WWC1: variants seen among roughly 807,000 people sequenced by gnomAD.
WWC1 encodes WW and C2 domain containing 1.
A neutral mutation model predicts 138.4 loss-of-function variants in WWC1; 55 were observed. The ratio of observed to expected loss-of-function variants is 0.40; its 90% CI spans 0.32 to 0.50. The LOEUF is 0.50. WWC1 is among the 20% of genes least tolerant of loss of function. The pLI, the probability that WWC1 is intolerant of heterozygous loss-of-function variation, is 0.72. For synonymous variants in WWC1, 524 were observed against 564.9 expected (o/e 0.93, Z 1.03); for missense variants, 1,226 against 1,420.4 (o/e 0.86, Z 2.20).
At chr5:168,395,586 C>T (rs1417850081) in intron 3 of WWC1, among the ~76,000 whole-genome samples, 5 of 152,198 alleles carry the variant, frequency 3.3e-5, no homozygotes, top group Non-Finnish European at 7.3e-5. Flanking sequence ...CCAACCAGGT[C>T]TATCCCTGAA....
intron 15 of WWC1, among the ~76,000 whole-genome samples, chr5:168,440,212 A>G (rs1305739402): frequency 1.3e-5 from 2 of 152,244 alleles, no homozygotes; most frequent in African/African-American, 4.8e-5. Flanking sequence ...GATGTTCAAC[A>G]TTACTAGTTA....
intron 1 of WWC1, among the ~76,000 whole-genome samples, chr5:168,305,829 G>T (rs751042080): frequency 2.6e-5 from 4 of 152,112 alleles, no homozygotes; most frequent in Non-Finnish European, 5.9e-5. Flanking sequence ...TGGTTTACTT[G>T]GTCTGTGGTA....
rs542534803 is a variant in WWC1, at chr5:168,438,968, C to T, written c.2281-2714C>T. Among the ~76,000 whole-genome samples, 28 of 152,164 alleles carry T rather than the reference C, an allele frequency of 1.8e-4. No homozygotes were observed. In the South Asian group the frequency reaches 5.8e-3, roughly 32 times the overall value. ...CTGAAGAGAAATCATGCTCTTTCCC[C>T]ACCCCAGCCTCACCATCTATCCTAT... On this transcript the variant is annotated intron_variant, in intron 15 of 22. Coordinates refer to ENST00000265293, the MANE Select transcript of WWC1 (RefSeq NM_015238.3).
chr5:168,406,383 T>A, intron 6 of WWC1, 56 bp downstream of exon 6: 2 of 1,604,476 alleles, frequency 1.2e-6, no homozygotes, highest in Non-Finnish European at 1.7e-6. Flanking sequence ...AGTATTCCTG[T>A]ATGCCAGTCG....
At position 168,454,071 on chromosome 5, in the gene WWC1, C is replaced by T. The variant is rs763033574; in HGVS notation, c.2629C>T (p.Pro877Ser). The T allele has an allele frequency of 1.9e-6, 3 of 1,612,956 alleles. No homozygotes were observed. The South Asian group carries it at 3.3e-5, about 18-fold the overall frequency. ...GGATGTTTTCACCGAGAAAGCCTCACCTGATATGGATGGGTACCCAGCATT... is the reference window on the plus strand; with the variant it reads ...GGATGTTTTCACCGAGAAAGCCTCATCTGATATGGATGGGTACCCAGCATT... ...EEDVFTEKAS[P>S]DMDGYPALKV... is the part of the protein sequence containing the mutation. Residue 877 changes from proline (P) to serine (S), a missense_variant, in exon 18 of 23, where the codon CCT becomes TCT. Physicochemically the swap from Pro to Ser is moderately conservative, Grantham distance 74 (BLOSUM62 -1). Coordinates refer to ENST00000265293, the MANE Select transcript of WWC1 (RefSeq NM_015238.3).
At chr5:168,336,291 C>G (rs1729316495) in intron 1 of WWC1, among the ~76,000 whole-genome samples, 1 of 152,156 alleles carries the variant, frequency 6.6e-6, no homozygotes, top group Non-Finnish European at 1.5e-5. Context: ...CAATACCCGG[C>G]CAGCCACGGT....
At chr5:168,318,969 A>G (rs550519297) in intron 1 of WWC1, among the ~76,000 whole-genome samples, 1 of 152,334 alleles carries the variant, frequency 6.6e-6, no homozygotes, top group Admixed American at 6.5e-5. Flanking sequence ...TTGTACGTAC[A>G]TATGTGAGAT....
intron 6 of WWC1, 60 bp downstream of exon 6, chr5:168,406,387 C>A: frequency 6.2e-7 from 1 of 1,600,596 alleles, no homozygotes; most frequent in Non-Finnish European, 8.5e-7. Context: ...TTCCTGTATG[C>A]CAGTCGTATG....
At chr5:168,400,156 C>A (rs943039180) in intron 5 of WWC1, among the ~76,000 whole-genome samples, 15 of 148,052 alleles carry the variant, frequency 1.0e-4, no homozygotes, top group Non-Finnish European at 1.8e-4. Context: ...AAATACAGCT[C>A]CGTTGTGTCT....
At chr5:168,418,275 C>T (rs1402456589) in intron 9 of WWC1, among the ~76,000 whole-genome samples, 1 of 152,206 alleles carries the variant, frequency 6.6e-6, no homozygotes, top group Non-Finnish European at 1.5e-5. Flanking sequence ...CCTCCCCCTC[C>T]TTCCCGAGGG....
chr5:168,441,833 C>T lies in WWC1; in HGVS notation c.2432C>T (p.Thr811Met), dbSNP rs570644950. ...VMAPASGPAS[T>M]DAVSALLEQT... ...GCCCCTGCCTCAGGGCCTGCCAGCA[C>T]GGTGAGCTGGGACCAGGTGTGCCAC... The change falls in exon 16 of 23, where the codon ACG (threonine) becomes ATG (methionine). Residue 811 changes from threonine (T) to methionine (M), a missense_variant and splice_region_variant. Physicochemically the swap from Thr to Met is moderately conservative, Grantham distance 81. Coordinates refer to ENST00000265293, the MANE Select transcript of WWC1 (RefSeq NM_015238.3). 44 of 1,613,206 alleles carry T rather than the reference C, an allele frequency of 2.7e-5. No homozygotes were observed. The highest frequency in any genetic ancestry group is 1.4e-4 in the South Asian group (13 of 90,906).
At chr5:168,305,975 C>A (rs1427114040) in intron 1 of WWC1, among the ~76,000 whole-genome samples, 1 of 152,078 alleles carries the variant, frequency 6.6e-6, no homozygotes, top group Non-Finnish European at 1.5e-5. Context: ...AATGAAAGTA[C>A]CTTGTAAAGG....
At chr5:168,392,550 G>A (rs905670783) in intron 3 of WWC1, among the ~76,000 whole-genome samples, 9 of 152,118 alleles carry the variant, frequency 5.9e-5, no homozygotes, top group South Asian at 2.1e-4. Flanking sequence ...AAAATTATCC[G>A]AGTGTGGTGG....
At chr5:168,427,968 A>G (rs2152857288) in intron 11 of WWC1, 65 bp from the exon 12 acceptor site, 1 of 1,428,778 alleles carries the variant, frequency 7.0e-7, no homozygotes, top group East Asian at 2.3e-5. Flanking sequence ...AAAACAAAAC[A>G]AAATTGGGAG....
intron 8 of WWC1, among the ~76,000 whole-genome samples, chr5:168,411,215 C>T (rs964590037): frequency 1.3e-5 from 2 of 152,160 alleles, no homozygotes; most frequent in Non-Finnish European, 2.9e-5. Flanking sequence ...ATGTGAGCTA[C>T]CGCACCCGGC....
Position 168,399,501 on chromosome 5 carries a change from A to G in WWC1, c.524A>G (p.Lys175Arg). 6.2e-7 allele frequency: 1 copy of G among 1,614,138 alleles called. No individual in the cohort carries two copies. The change falls in exon 5 of 23, where the codon AAG (lysine) becomes AGG (arginine). Residue 175 changes from lysine (K) to arginine (R), a missense_variant. Transcript: ENST00000265293. ...ATAKSRVNKL[K>R]REMVHLQHEL... ...GCTGCCCTCCAGGTCAACAAGCTGA[A>G]GAGAGAGATGGTTCACCTCCAGCAC...
chr5:168,429,277 T>TTTTA (rs1781753818), intron 13 of WWC1, among the ~76,000 whole-genome samples: 1 of 131,714 alleles, frequency 7.6e-6, no homozygotes. Context: ...TTTTTTTTTT[T>TTTTA]GAGACAGGGT....
At chr5:168,306,898 G>A (rs1426683077) in intron 1 of WWC1, among the ~76,000 whole-genome samples, 1 of 152,148 alleles carries the variant, frequency 6.6e-6, no homozygotes, top group South Asian at 2.1e-4. Context: ...CGCCCAGCCA[G>A]TCTAAGCTAC....
In WWC1 at chr5:168,385,239, A is replaced by G; in HGVS notation, c.258A>G (p.Val86=). ...TKTTQIEDPR[V]QWRREQEHML... is the part of the protein sequence containing the mutation. ...CCACTCAGATTGAGGATCCTCGAGT[A>G]CAATGGCGGCGGGAGCAGGAACATA... Residue 86 remains valine, a synonymous_variant, in exon 3 of 23, where the codon GTA becomes GTG. Transcript: ENST00000265293. 3 of 1,614,200 alleles carry G rather than the reference A, an allele frequency of 1.9e-6. No individual in the cohort carries two copies. Among genetic ancestry groups the G allele is most frequent in the Non-Finnish European group, 2.5e-6 (3 of 1,180,028 alleles).
Sources: allele counts gnomAD v4.1 joint callset (sites outside exome capture counted in the v4.1 genomes callset), GRCh38; gene constraint gnomAD v4.1.1; transcripts MANE v1.5; gene names NCBI Gene and HGNC (gene_info 2026-07-23, HGNC 2026-07-21).